Variants in MAP3K5 observed in about 807,000 individuals in gnomAD.
MAP3K5 encodes the protein ASK-1.
In MAP3K5, 56 loss-of-function variants were observed where a neutral mutation model predicts 158.7. The ratio of observed to expected loss-of-function variants is 0.35; its 90% CI spans 0.28 to 0.44. The LOEUF is 0.44. Among genes scored for constraint, MAP3K5 ranks in the 20% least tolerant of loss-of-function variants. The pLI is 1.00. For synonymous variants in MAP3K5, 579 were observed against 601.7 expected (o/e 0.96, Z 0.55); for missense variants, 1,294 against 1,674.8 (o/e 0.77, Z 3.97).
chr6:136,624,778 T>A (rs1421384519), intron 14 of MAP3K5, among the ~76,000 whole-genome samples: 1 of 151,944 alleles, frequency 6.6e-6, no homozygotes, highest in Non-Finnish European at 1.5e-5. Context: ...AGATGAAAAA[T>A]TTCATGATCT....
intron 11 of MAP3K5, among the ~76,000 whole-genome samples, chr6:136,647,575 G>A (rs1012649662): frequency 6.6e-6 from 1 of 152,010 alleles, no homozygotes; most frequent in African/African-American, 2.4e-5. Flanking sequence ...AGCTTACATA[G>A]CACTCTAGAG....
chr6:136,746,445 G>C lies in MAP3K5; in HGVS notation c.449-25856C>G, dbSNP rs115115569. Among the ~76,000 whole-genome samples, 1,452 of 152,224 alleles carry C rather than the reference G, an allele frequency of 9.5e-3. 14 individuals carry two copies. Among genetic ancestry groups the C allele is most frequent in the African/African-American group, 0.033 (1,386 of 41,516 alleles). ...AGGAATTTCTATGTACTGTTCTATG[G>C]AAGTATTTGGGTCTCTTTAAATGAA... is the stretch of plus-strand genomic sequence containing the variant. On this transcript the variant is annotated intron_variant, in intron 1 of 29. Transcript: ENST00000359015.
chr6:136,677,619 A>T (rs1779763143), intron 7 of MAP3K5, among the ~76,000 whole-genome samples: 1 of 152,198 alleles, frequency 6.6e-6, no homozygotes, highest in Admixed American at 6.5e-5. Context: ...AGCCTGAAGG[A>T]GCAGCCTTCT....
chr6:136,756,083 G>C (rs1783465693), intron 1 of MAP3K5, among the ~76,000 whole-genome samples: 1 of 151,816 alleles, frequency 6.6e-6, no homozygotes. Context: ...AAAATGGGCA[G>C]ATCGCTTGAG....
intron 19 of MAP3K5, 27 bp from the exon 20 acceptor site, chr6:136,602,006 T>G: frequency 6.3e-7 from 1 of 1,598,796 alleles, no homozygotes; most frequent in Non-Finnish European, 8.6e-7. Flanking sequence ...AAAAGTGCAA[T>G]GTGCCTTCTG....
At chr6:136,608,797 A>G (rs12164028) in intron 18 of MAP3K5, among the ~76,000 whole-genome samples, 16,603 of 152,234 alleles carry the variant, frequency 0.11, 1,911 homozygotes, top group East Asian at 0.32. Flanking sequence ...AGTGCAGAGC[A>G]AGGTAACACA....
At position 136,681,620 on chromosome 6, in the gene MAP3K5, G is replaced by A. The variant is rs140611495; in HGVS notation, c.1254-12225C>T. On this transcript the variant is annotated intron_variant, in intron 7 of 29. Transcript: ENST00000359015. The stretch of plus-strand genomic sequence containing the variant: ...TGCACTCCAGCCTAGGTGACAGAGC[G>A]AGACCTTGTCTCAAAAAACAAAGCA... Among the ~76,000 whole-genome samples, 529 of 152,054 alleles carry A rather than the reference G, an allele frequency of 3.5e-3. 2 individuals carry two copies. The highest frequency in any genetic ancestry group is 5.8e-3 in the Non-Finnish European group (392 of 67,960).
intron 1 of MAP3K5, among the ~76,000 whole-genome samples, chr6:136,755,688 CCAA>C (rs1562677183): frequency 2.8e-4 from 14 of 49,584 alleles, no homozygotes; most frequent in Non-Finnish European, 5.9e-4. Flanking sequence ...GACTCTGTCT[CCAA>C]AAAAAAAAAA....
intron 2 of MAP3K5, among the ~76,000 whole-genome samples, chr6:136,714,017 C>T (rs1399787666): frequency 6.6e-6 from 1 of 152,136 alleles, no homozygotes; most frequent in Admixed American, 6.5e-5. Flanking sequence ...AGCAAAAATT[C>T]TTTGTTAAAC....
chr6:136,563,679 T>G (rs1383649491), intron 26 of MAP3K5, among the ~76,000 whole-genome samples: 1 of 152,226 alleles, frequency 6.6e-6, no homozygotes, highest in Admixed American at 6.5e-5. Context: ...GAGAGCCAAC[T>G]GGTAACCTAC....
chr6:136,616,082 C>A (rs994962641), intron 15 of MAP3K5, among the ~76,000 whole-genome samples: 1 of 152,118 alleles, frequency 6.6e-6, no homozygotes, highest in Admixed American at 6.5e-5. Flanking sequence ...ACTTCAGGAA[C>A]TATGAAGGGC....
chr6:136,618,446 T>C (rs1000887886), intron 15 of MAP3K5, among the ~76,000 whole-genome samples: 1 of 152,220 alleles, frequency 6.6e-6, no homozygotes, highest in Non-Finnish European at 1.5e-5. Flanking sequence ...AAACATCTTG[T>C]TGGTGTTGGT....
At chr6:136,652,020 A>C (rs1251340807) in intron 10 of MAP3K5, among the ~76,000 whole-genome samples, 2 of 152,116 alleles carry the variant, frequency 1.3e-5, no homozygotes, top group Admixed American at 1.3e-4. Flanking sequence ...TAATCATTCT[A>C]CTCTACTGCT....
At chr6:136,781,014 C>T (rs1461193787) in intron 1 of MAP3K5, among the ~76,000 whole-genome samples, 1 of 152,050 alleles carries the variant, frequency 6.6e-6, no homozygotes, top group Non-Finnish European at 1.5e-5. Context: ...ATATTATAGG[C>T]AATTAATAAT....
intron 18 of MAP3K5, among the ~76,000 whole-genome samples, chr6:136,610,597 T>TAAA (rs201221344): frequency 5.4e-3 from 345 of 64,320 alleles, no homozygotes; most frequent in African/African-American, 0.019. Context: ...AAATGTTTAA[T>TAAA]AAAAAAAAAA....
chr6:136,755,411 A>G (rs1191978388), intron 1 of MAP3K5, among the ~76,000 whole-genome samples: 2 of 152,154 alleles, frequency 1.3e-5, no homozygotes, highest in Non-Finnish European at 2.9e-5. Context: ...TTGTAATTCA[A>G]TAGCTGGAAA....
At chr6:136,643,946 T>C (rs1340187407) in intron 11 of MAP3K5, among the ~76,000 whole-genome samples, 2 of 152,174 alleles carry the variant, frequency 1.3e-5, no homozygotes, top group Admixed American at 6.5e-5. Context: ...CTGTTACCTG[T>C]ACACTACTTG....
At chr6:136,580,275 G>T (rs779490243) in intron 25 of MAP3K5, 26 bp downstream of exon 25, 25 of 1,422,594 alleles carry the variant, frequency 1.8e-5, no homozygotes, top group Non-Finnish European at 2.4e-5. Flanking sequence ...CACTAAATAT[G>T]TGCAGAGTAA....
chr6:136,707,565 G>C lies in MAP3K5; in HGVS notation c.589-2432C>G, dbSNP rs1781132884. Among the ~76,000 whole-genome samples, 6 of 151,980 alleles carry C rather than the reference G, an allele frequency of 3.9e-5. No homozygotes were observed. In the South Asian group the frequency reaches 1.2e-3, roughly 32 times the overall value. On this transcript the variant is annotated intron_variant, in intron 2 of 29. Coordinates refer to ENST00000359015, the MANE Select transcript of MAP3K5 (RefSeq NM_005923.4). The stretch of plus-strand genomic sequence containing the variant: ...TGAATTAAAGAGGTACTTGGGGGGG[G>C]GGGGAACCCCTTGAACGTAGTCATT...
Sources: gnomAD v4.1 joint callset for allele counts (sites outside exome capture counted in the v4.1 genomes callset) on GRCh38, gnomAD v4.1.1 for gene constraint, MANE v1.5 for transcripts, NCBI Gene and HGNC (gene_info 2026-07-23, HGNC 2026-07-21) for gene names.